Variants in CAND1 observed in about 807,000 individuals in gnomAD.
CAND1 encodes the protein cullin-associated NEDD8-dissociated protein 1.
Under a neutral mutation model 108.5 loss-of-function variants are expected in CAND1, and 7 were observed. The ratio of observed to expected loss-of-function variants is 0.06; its 90% confidence interval spans 0.04 to 0.12. CAND1 has a LOEUF of 0.12. CAND1 is among the 10% of genes least tolerant of loss of function. The pLI, the probability that CAND1 is intolerant of heterozygous loss-of-function variation, is 1.00. For synonymous variants in CAND1, 534 were observed against 512.0 expected, an observed-to-expected ratio of 1.04 and a Z score of -0.58; for missense variants, 941 against 1,448.7, an observed-to-expected ratio of 0.65 and a Z score of 5.69.
At chr12:67,308,335 C>A (rs1371896640) in intron 11 of CAND1, among the ~76,000 whole-genome samples, 1 of 152,060 alleles carries the variant, frequency 6.6e-6, no homozygotes, top group Admixed American at 6.6e-5. Flanking sequence ...CAAATGGGTT[C>A]TATTGCTAGG....
chr12:67,308,403 A>G (rs1394999040), intron 11 of CAND1, among the ~76,000 whole-genome samples: 2 of 152,004 alleles, frequency 1.3e-5, no homozygotes, highest in Admixed American at 1.3e-4. Flanking sequence ...TCCCCCACAC[A>G]TTTTCTGCTT....
At chr12:67,294,976 T>G (rs2044755374) in intron 3 of CAND1, 57 bp from the exon 4 acceptor site, 1 of 1,572,026 alleles carries the variant, frequency 6.4e-7, no homozygotes, top group African/African-American at 1.4e-5. Context: ...ACCATGAATA[T>G]AAGAGGGAAT....
chr12:67,273,278 A>G (rs73318892), intron 1 of CAND1, among the ~76,000 whole-genome samples: 13,420 of 152,082 alleles, frequency 0.088, 1,300 homozygotes, highest in African/African-American at 0.24. Context: ...AAACATTTGT[A>G]CCAGTGTATA....
rs1856480690 is a variant in CAND1, at chr12:67,313,257, T to TATA, written c.*429_*431dup. 1 of 152,948 alleles carries TATA rather than the reference T, an allele frequency of 6.5e-6. No homozygotes were observed. The highest frequency in any genetic ancestry group is 6.5e-5 in the Admixed American group (1 of 15,280). 9.5% of individuals were successfully genotyped at this position (152,948 alleles called of 1,614,324 possible). A position where few individuals can be genotyped will look rare whatever the true frequency, so the allele number is the denominator to read the frequency against. ...ACAAAAACCATGTTTCTTTTTCTTGTATAACTTTTTGTTTTCAGCAACATA... is the reference window on the plus strand; with the variant it reads ...ACAAAAACCATGTTTCTTTTTCTTGTATAATAACTTTTTGTTTTCAGCAACATA... On this transcript the variant is annotated 3_prime_UTR_variant, in exon 15 of 15. Transcript: ENST00000545606.
At chr12:67,282,987 A>G (rs1211002857) in intron 2 of CAND1, among the ~76,000 whole-genome samples, 2 of 152,202 alleles carry the variant, frequency 1.3e-5, no homozygotes, top group Non-Finnish European at 2.9e-5. Flanking sequence ...TTAGTTTATG[A>G]ATGTCAACTT....
At chr12:67,307,840 A>C (rs903247307) in intron 11 of CAND1, among the ~76,000 whole-genome samples, 7 of 152,034 alleles carry the variant, frequency 4.6e-5, no homozygotes, top group Non-Finnish European at 7.4e-5. Context: ...CCCTAGATTT[A>C]AATGAGTCTT....
chr12:67,294,885 C>G, intron 3 of CAND1, 148 bp from the exon 4 acceptor site: 1 of 636,372 alleles, frequency 1.6e-6, no homozygotes, highest in Non-Finnish European at 2.4e-6. Flanking sequence ...GAAAAGCAGC[C>G]TGTTTTGAAA....
At chr12:67,271,563 TGAAA>T (rs1489124436) in intron 1 of CAND1, among the ~76,000 whole-genome samples, 10 of 152,242 alleles carry the variant, frequency 6.6e-5, no homozygotes, top group African/African-American at 1.9e-4. Context: ...AAATTTCCTG[TGAAA>T]GAAAGATAAC....
chr12:67,302,591 A>G lies in CAND1; in HGVS notation c.1269A>G (p.Thr423=). The G allele has an allele frequency of 6.2e-7, 1 of 1,610,738 alleles. No homozygotes were observed. Among genetic ancestry groups the G allele is most frequent in the Non-Finnish European group, 8.5e-7 (1 of 1,176,984 alleles). Residue 423 remains threonine (T), a synonymous_variant, in exon 8 of 15, where the codon ACA becomes ACG. Coordinates refer to ENST00000545606, the MANE Select transcript of CAND1 (RefSeq NM_018448.5). ...CDPDAMEQGE[T]PLTMLQSQVP... is the part of the protein sequence containing the mutation. Reference sequence around the variant, plus strand: ...CTGATGCAATGGAGCAGGGAGAAACACCTTTAACAATGCTTCAGAGTCAGG... The same window carrying G: ...CTGATGCAATGGAGCAGGGAGAAACGCCTTTAACAATGCTTCAGAGTCAGG...
At chr12:67,306,631 T>TTTATTGATAGTTGGTTGCC (rs772202180) in intron 10 of CAND1, 34 bp downstream of exon 10, 8 of 1,508,784 alleles carry the variant, frequency 5.3e-6, no homozygotes, top group Non-Finnish European at 7.1e-6. Context: ...TAAAAAGTTT[T>TTTATTGATAGTTGGTTGCC]TTATTGATAG....
intron 4 of CAND1, among the ~76,000 whole-genome samples, chr12:67,296,150 G>A (rs2136008385): frequency 6.6e-6 from 1 of 152,088 alleles, no homozygotes; most frequent in African/African-American, 2.4e-5. Context: ...AGGAATTTAT[G>A]TTTAATTTGA....
At chr12:67,306,744 A>G (rs2044890676) in intron 10 of CAND1, 147 bp downstream of exon 10, 2 of 614,584 alleles carry the variant, frequency 3.3e-6, no homozygotes, top group African/African-American at 3.7e-5. Context: ...CTTTCGTAGT[A>G]TGGAGTGATA....
intron 1 of CAND1, among the ~76,000 whole-genome samples, chr12:67,275,575 A>G (rs2135989606): frequency 6.6e-6 from 1 of 152,314 alleles, no homozygotes; most frequent in Non-Finnish European, 1.5e-5. Context: ...ACTCTAAGGA[A>G]TAACTGAGGA....
intron 3 of CAND1, 70 bp downstream of exon 3, chr12:67,292,846 C>T: frequency 1.3e-6 from 2 of 1,505,028 alleles, no homozygotes; most frequent in East Asian, 2.3e-5. Flanking sequence ...CTTTTTTCCC[C>T]TTCTGGCCAA....
chr12:67,279,190 A>G (rs1159509157), intron 1 of CAND1, among the ~76,000 whole-genome samples: 1 of 151,232 alleles, frequency 6.6e-6, no homozygotes, highest in Non-Finnish European at 1.5e-5. Context: ...AAAAAAAAAA[A>G]GTAATTTAAA....
At chr12:67,269,807 C>G (rs1270244323) in intron 1 of CAND1, 22 bp downstream of exon 1, 1 of 1,593,470 alleles carries the variant, frequency 6.3e-7, no homozygotes, top group African/African-American at 1.4e-5. Flanking sequence ...ATCCGACCCT[C>G]ACCCCACCTC....
chr12:67,314,409 T>G lies in CAND1; in HGVS notation c.*1579T>G, dbSNP rs1006159813. The G allele has an allele frequency of 6.6e-6, 1 of 152,234 alleles. No homozygotes were observed. The highest frequency in any genetic ancestry group is 1.5e-5 in the Non-Finnish European group (1 of 68,030). The allele number at this position is 152,234 out of a possible 1,614,324, so 9.4% of individuals were successfully genotyped here. ...CATCACTTCTAGTAAGGATTTTGAC[T>G]AGTGCATTGATGTTGAAGTTGGTGC... On this transcript the variant is annotated 3_prime_UTR_variant, in exon 15 of 15. Coordinates refer to ENST00000545606, the MANE Select transcript of CAND1 (RefSeq NM_018448.5).
At chr12:67,277,205 G>A (rs1227740313) in intron 1 of CAND1, among the ~76,000 whole-genome samples, 1 of 152,016 alleles carries the variant, frequency 6.6e-6, no homozygotes, top group Non-Finnish European at 1.5e-5. Context: ...ATTATTTGTA[G>A]TATGTTTTGT....
At chr12:67,297,242 C>T in intron 4 of CAND1, 165 bp from the exon 5 acceptor site, 1 of 720,494 alleles carries the variant, frequency 1.4e-6, no homozygotes, top group African/African-American at 1.8e-5. Flanking sequence ...GTTTCAGTTG[C>T]ATTGGTAGAT....
Sources: allele counts gnomAD v4.1 joint callset (sites outside exome capture counted in the v4.1 genomes callset), GRCh38; gene constraint gnomAD v4.1.1; transcripts MANE v1.5; gene names NCBI Gene and HGNC (gene_info 2026-07-23, HGNC 2026-07-21).